CLUAP1: variants seen among roughly 807,000 people sequenced by gnomAD.
CLUAP1 encodes the protein intraflagellar transport 38, also known as clusterin-associated protein 1.
A neutral mutation model predicts 55.0 loss-of-function variants in CLUAP1; 50 were observed. That is an observed-to-expected ratio of 0.91 (90% CI 0.72 to 1.15). The LOEUF (loss-of-function observed/expected upper bound fraction) is 1.15. Among genes scored for constraint, CLUAP1 ranks in the 50% most tolerant of loss-of-function variants. The probability of loss-of-function intolerance (pLI) is 0.00; values close to 1 mark genes in which losing one functional copy is unlikely to be tolerated. For synonymous variants in CLUAP1, 195 were observed against 175.4 expected (o/e 1.11, Z -0.88); for missense variants, 530 against 507.6 (o/e 1.04, Z -0.42).
chr16:3,519,021 C>T (rs745560113), intron 6 of CLUAP1, among the ~76,000 whole-genome samples: 5 of 152,194 alleles, frequency 3.3e-5, no homozygotes, highest in South Asian at 2.1e-4. Context: ...GGCAGTTCCA[C>T]GCTCAGCTGG....
chr16:3,506,469 G>A (rs1230318075), intron 3 of CLUAP1, 54 bp downstream of exon 3: 7 of 1,370,112 alleles, frequency 5.1e-6, no homozygotes, highest in Non-Finnish European at 7.3e-6. Flanking sequence ...TAGAAAGGAT[G>A]ACTCCTTGTT....
chr16:3,519,844 A>G (rs1165678426), intron 6 of CLUAP1, 59 bp from the exon 7 acceptor site: 2 of 1,516,220 alleles, frequency 1.3e-6, no homozygotes, highest in African/African-American at 1.4e-5. Flanking sequence ...AAATTCTTCT[A>G]AGAATTAGGA....
chr16:3,521,632 A>G (rs2037837000), intron 7 of CLUAP1, among the ~76,000 whole-genome samples: 1 of 151,948 alleles, frequency 6.6e-6, no homozygotes, highest in Non-Finnish European at 1.5e-5. Context: ...ACGGAGTTTC[A>G]CCATGTTGGC....
rs759033910 is a variant in CLUAP1 at position 3,536,361 on chromosome 16, G to A, written c.*90G>A. ...AGGTTAGGAAGGTAACCCCTGTTTTGTTTACTAAGCTGGCTGGACTCATGA... is the reference window on the plus strand; with the variant it reads ...AGGTTAGGAAGGTAACCCCTGTTTTATTTACTAAGCTGGCTGGACTCATGA... On this transcript the variant is annotated 3_prime_UTR_variant, in exon 12 of 12. Coordinates refer to ENST00000576634, the MANE Select transcript of CLUAP1 (RefSeq NM_015041.3). 3.5e-5 allele frequency: 49 copies of A among 1,412,276 alleles called. No individual in the cohort carries two copies. Among genetic ancestry groups the A allele is most frequent in the Non-Finnish European group, 4.7e-5 (48 of 1,031,026 alleles). The allele number at this position is 1,412,276 out of a possible 1,614,324, so 87.5% of individuals were successfully genotyped here. A position where few individuals can be genotyped will look rare whatever the true frequency, so the allele number is the denominator to read the frequency against.
chr16:3,512,186 C>CA (rs1210287851), intron 4 of CLUAP1, among the ~76,000 whole-genome samples, 197 bp from the exon 5 acceptor site: 1,266 of 79,806 alleles, frequency 0.016, 14 homozygotes, highest in African/African-American at 0.038. Context: ...AACTCCGTCT[C>CA]AAAAAAAAAA....
At chr16:3,505,693 A>G (rs1197345745) in intron 2 of CLUAP1, among the ~76,000 whole-genome samples, 2 of 152,200 alleles carry the variant, frequency 1.3e-5, no homozygotes, top group Non-Finnish European at 2.9e-5. Flanking sequence ...GCAGAGTGAC[A>G]GGGGCCTTTT....
At chr16:3,535,866 T>G (rs148814338) in intron 11 of CLUAP1, 7 of 479,744 alleles carry the variant, frequency 1.5e-5, no homozygotes, top group African/African-American at 1.4e-4. Context: ...TCTTAGACGC[T>G]GCGGGAAAGC....
the CLUAP1 span, chr16:3,495,548 C>T: frequency 2.0e-6 from 3 of 1,504,534 alleles, no homozygotes; most frequent in Non-Finnish European, 1.8e-6. Flanking sequence ...ACGGGGAAGA[C>T]TCCCAGCCTT....
intron 1 of CLUAP1, 143 bp downstream of exon 1, chr16:3,501,232 A>AC (rs2037393024): frequency 1.2e-6 from 1 of 834,762 alleles, no homozygotes; most frequent in Non-Finnish European, 1.8e-6. Flanking sequence ...GGACCGCCTG[A>AC]CCCGCGGCTG....
At chr16:3,509,213 C>T (rs73503324) in intron 4 of CLUAP1, among the ~76,000 whole-genome samples, 299 of 152,192 alleles carry the variant, frequency 2.0e-3, no homozygotes, top group African/African-American at 6.9e-3. Context: ...CATGGCACTG[C>T]GCTCCCGCCT....
upstream of CLUAP1, among the ~76,000 whole-genome samples, chr16:3,498,818 C>A (rs1203213724): frequency 6.6e-6 from 1 of 152,020 alleles, no homozygotes; most frequent in East Asian, 1.9e-4. Flanking sequence ...CGAGATCGCA[C>A]CACTGGCACT....
intron 11 of CLUAP1, 47 bp downstream of exon 11, chr16:3,532,888 C>G (rs2038156116): frequency 1.3e-6 from 2 of 1,599,664 alleles, no homozygotes. Context: ...CTGGGTTTGG[C>G]TGTCCCCATA....
intron 9 of CLUAP1, among the ~76,000 whole-genome samples, chr16:3,528,512 T>C (rs1045998752): frequency 2.0e-4 from 31 of 152,160 alleles, no homozygotes; most frequent in African/African-American, 7.2e-4. Flanking sequence ...TTTAGTTCCA[T>C]GTCAGCCAGG....
At chr16:3,536,022 C>A in intron 11 of CLUAP1, 100 bp from the exon 12 acceptor site, 1 of 1,432,650 alleles carries the variant, frequency 7.0e-7, no homozygotes, top group Non-Finnish European at 9.5e-7. Flanking sequence ...TCTTCCTTCA[C>A]ACAGGGATGC....
intron 2 of CLUAP1, among the ~76,000 whole-genome samples, chr16:3,505,086 C>A (rs965458645): frequency 2.6e-5 from 4 of 152,112 alleles, no homozygotes; most frequent in Non-Finnish European, 4.4e-5. Flanking sequence ...CACAAAAGAA[C>A]AATTAGCTGA....
At chr16:3,534,691 TAGAGAA>T (rs991182558) in intron 11 of CLUAP1, 1 of 152,172 alleles carries the variant, frequency 6.6e-6, no homozygotes, top group Non-Finnish European at 1.5e-5. Flanking sequence ...CATAGGCTGT[TAGAGAA>T]AGAGAAAAAT....
chr16:3,506,681 T>G (rs1284390052), intron 3 of CLUAP1, among the ~76,000 whole-genome samples: 1 of 151,998 alleles, frequency 6.6e-6, no homozygotes, highest in Non-Finnish European at 1.5e-5. Context: ...TTTTGCATTT[T>G]TAGTAGAGAC....
upstream of CLUAP1, chr16:3,496,887 T>C (rs1047694967): frequency 2.6e-5 from 8 of 306,346 alleles, no homozygotes; most frequent in Admixed American, 1.2e-4. Context: ...TTTTTTTTTT[T>C]TAAGATGGAG....
In CLUAP1 at chr16:3,537,014, ACT is replaced by A. The variant is rs892536538; in HGVS notation, c.*746_*747del. 3 of 151,970 alleles carry A rather than the reference ACT, an allele frequency of 2.0e-5. No homozygotes were observed. Among genetic ancestry groups the A allele is most frequent in the Non-Finnish European group, 4.4e-5 (3 of 67,998 alleles). The allele number at this position is 151,970 out of a possible 1,614,324, so 9.4% of individuals were successfully genotyped here. A position where few individuals can be genotyped will look rare whatever the true frequency, so the allele number is the denominator to read the frequency against. On this transcript the variant is annotated 3_prime_UTR_variant, in exon 12 of 12. Coordinates refer to ENST00000576634, the MANE Select transcript of CLUAP1 (RefSeq NM_015041.3). ...TCCACGGTTGGTACTAAATCTGGAA[ACT>A]CTGGTGACCTGGGCTGCCCTCTCAG...
Sources: gnomAD v4.1 joint callset for allele counts (sites outside exome capture counted in the v4.1 genomes callset) on GRCh38, gnomAD v4.1.1 for gene constraint, MANE v1.5 for transcripts, NCBI Gene and HGNC (gene_info 2026-07-23, HGNC 2026-07-21) for gene names.